PTPN3: variants seen among roughly 807,000 people sequenced by gnomAD.
The protein encoded by PTPN3 is protein tyrosine phosphatase non-receptor type 3.
PTPN3 carries 96 observed loss-of-function variants against 132.7 expected under a neutral mutation model. That is an observed-to-expected ratio of 0.72 (90% CI 0.61 to 0.86). The LOEUF (loss-of-function observed/expected upper bound fraction) is 0.86. Among genes scored for constraint, PTPN3 ranks in the 40% least tolerant of loss-of-function variants. PTPN3 has a pLI of 0.00. For synonymous variants in PTPN3, 398 were observed against 429.0 expected (o/e 0.93, Z 0.89); for missense variants, 1,125 against 1,159.6 (o/e 0.97, Z 0.43).
chr9:109,447,769 T>A (rs1844959210), intron 6 of PTPN3, among the ~76,000 whole-genome samples: 1 of 152,182 alleles, frequency 6.6e-6, no homozygotes, highest in South Asian at 2.1e-4. Flanking sequence ...TCTTCCCTTG[T>A]GCACAATGAT....
At position 109,410,090 on chromosome 9, in the gene PTPN3, T is replaced by C; in HGVS notation, c.1501-14A>G. The C allele has an allele frequency of 6.2e-7, 1 of 1,614,224 alleles. No homozygotes were observed. Among genetic ancestry groups the C allele is most frequent in the Middle Eastern group, 1.6e-4 (1 of 6,062 alleles). The stretch of plus-strand genomic sequence containing the variant: ...ACCATTATCATTCTGGAAAACGGTT[T>C]GAAAGTGGTCATTTGCATCACATCT... On this transcript the variant is annotated splice_polypyrimidine_tract_variant and intron_variant, in intron 15 of 25. Transcript: ENST00000374541.
At chr9:109,458,134 A>G (rs938217166) in intron 2 of PTPN3, among the ~76,000 whole-genome samples, 4 of 152,212 alleles carry the variant, frequency 2.6e-5, no homozygotes, top group African/African-American at 9.6e-5. Context: ...TGGCTGTAAC[A>G]GAGTGTCAAA....
intron 2 of PTPN3, among the ~76,000 whole-genome samples, chr9:109,462,886 T>G (rs1246478124): frequency 1.3e-5 from 2 of 151,862 alleles, no homozygotes; most frequent in African/African-American, 4.8e-5. Context: ...CTCAGTTTCA[T>G]GGGCAACATA....
intron 1 of PTPN3, among the ~76,000 whole-genome samples, chr9:109,484,291 C>T (rs1847104389): frequency 6.6e-6 from 1 of 152,244 alleles, no homozygotes; most frequent in South Asian, 2.1e-4. Flanking sequence ...GGGATCATCA[C>T]ACGACCTTGT....
At chr9:109,532,536 G>C in the PTPN3 span, among the ~76,000 whole-genome samples, 1 of 147,814 alleles carries the variant, frequency 6.8e-6, no homozygotes, top group Non-Finnish European at 1.5e-5. Flanking sequence ...GACCAGATAG[G>C]AAACAATTTA....
chr9:109,443,835 G>C (rs565853957), intron 7 of PTPN3, among the ~76,000 whole-genome samples: 2 of 152,174 alleles, frequency 1.3e-5, no homozygotes, highest in Admixed American at 6.5e-5. Context: ...TGCAGGTATC[G>C]ATGGAGAGAC....
chr9:109,482,392 T>C (rs1190551121), intron 1 of PTPN3, among the ~76,000 whole-genome samples: 3 of 152,236 alleles, frequency 2.0e-5, no homozygotes, highest in African/African-American at 7.2e-5. Context: ...TGTTATAAAG[T>C]TGTATCTACG....
chr9:109,474,105 C>A (rs946082275), intron 1 of PTPN3, among the ~76,000 whole-genome samples: 1 of 152,006 alleles, frequency 6.6e-6, no homozygotes, highest in African/African-American at 2.4e-5. Flanking sequence ...TAACCTTTCC[C>A]CACTGCGCGC....
At chr9:109,474,727 T>C (rs1327498465) in intron 1 of PTPN3, among the ~76,000 whole-genome samples, 1 of 152,088 alleles carries the variant, frequency 6.6e-6, no homozygotes, top group African/African-American at 2.4e-5. Context: ...CGGATAAGAT[T>C]AGGTACTTCA....
chr9:109,462,889 G>C (rs1291672517), intron 2 of PTPN3, among the ~76,000 whole-genome samples: 1 of 151,764 alleles, frequency 6.6e-6, no homozygotes, highest in Non-Finnish European at 1.5e-5. Context: ...AGTTTCATGG[G>C]CAACATATAC....
intron 19 of PTPN3, chr9:109,392,560 T>C (rs1023005076): frequency 3.3e-5 from 5 of 152,222 alleles, no homozygotes; most frequent in African/African-American, 1.2e-4. Flanking sequence ...ATTTATATAC[T>C]ATGTTTTTAA....
chr9:109,532,896 C>A, the PTPN3 span: 1 of 1,062,892 alleles, frequency 9.4e-7, no homozygotes, highest in Non-Finnish European at 1.3e-6. Context: ...GGTGGATCGG[C>A]TGCTTTTGTC....
chr9:109,513,776 C>T, the PTPN3 span, among the ~76,000 whole-genome samples: 1 of 152,150 alleles, frequency 6.6e-6, no homozygotes, highest in Non-Finnish European at 1.5e-5. Flanking sequence ...GAAAATCAAA[C>T]AACATGCAAC....
the PTPN3 span, among the ~76,000 whole-genome samples, chr9:109,510,444 G>T: frequency 6.6e-6 from 1 of 151,270 alleles, no homozygotes; most frequent in Non-Finnish European, 1.5e-5. Context: ...TGTAATTCCA[G>T]CTACTCAGGA....
intron 19 of PTPN3, among the ~76,000 whole-genome samples, chr9:109,393,639 G>A (rs761136039): frequency 1.3e-5 from 2 of 151,928 alleles, no homozygotes; most frequent in East Asian, 3.9e-4. Flanking sequence ...CACACACCTC[G>A]GCCTCTGAAA....
intron 19 of PTPN3, among the ~76,000 whole-genome samples, chr9:109,399,699 A>G (rs1475719468): frequency 6.6e-6 from 1 of 151,512 alleles, no homozygotes; most frequent in East Asian, 1.9e-4. Flanking sequence ...ACTGATAGAA[A>G]CCAGCTCTCG....
chr9:109,386,440 C>G (rs998670956), intron 22 of PTPN3, among the ~76,000 whole-genome samples: 1 of 152,088 alleles, frequency 6.6e-6, no homozygotes, highest in Admixed American at 6.6e-5. Flanking sequence ...GAATGAGACA[C>G]GATGTGGCAC....
At chr9:109,457,824 C>T (rs1463747412) in intron 2 of PTPN3, among the ~76,000 whole-genome samples, 4 of 152,226 alleles carry the variant, frequency 2.6e-5, no homozygotes, top group African/African-American at 9.6e-5. Flanking sequence ...CACCGAAGTG[C>T]ATGTCCAGGA....
chr9:109,448,154 G>A (rs7870969), intron 6 of PTPN3, among the ~76,000 whole-genome samples: 1,829 of 152,286 alleles, frequency 0.012, 17 homozygotes, highest in Non-Finnish European at 0.021. Flanking sequence ...TTTCCCCAGT[G>A]AGACTCCAGC....
Sources: allele counts gnomAD v4.1 joint callset (sites outside exome capture counted in the v4.1 genomes callset), GRCh38; gene constraint gnomAD v4.1.1; transcripts MANE v1.5; gene names NCBI Gene and HGNC (gene_info 2026-07-23, HGNC 2026-07-21).